CENPP: variants seen among roughly 807,000 people sequenced by gnomAD.
The protein encoded by CENPP is centromere protein P.
CENPP carries 24 observed loss-of-function variants against 35.6 expected under a neutral mutation model. The ratio of observed to expected loss-of-function variants is 0.67; its 90% confidence interval spans 0.49 to 0.95. CENPP has a LOEUF of 0.95. CENPP is among the 40% of genes least tolerant of loss of function. The probability of loss-of-function intolerance (pLI) is 0.00; values close to 1 mark genes in which losing one functional copy is unlikely to be tolerated. For missense variants in CENPP, 332 were observed against 345.3 expected (o/e 0.96, Z 0.31); for synonymous variants, 120 against 125.5 (o/e 0.96, Z 0.29).
chr9:92,502,698 A>T, intron 5 of CENPP: 1 of 1,432,746 alleles, frequency 7.0e-7, no homozygotes, highest in Non-Finnish European at 9.5e-7. Context: ...GTGTTAGTTG[A>T]TACGTTCAAT....
intron 5 of CENPP, chr9:92,415,599 T>A: frequency 4.6e-6 from 2 of 433,332 alleles, no homozygotes; most frequent in Admixed American, 8.9e-5. Flanking sequence ...TATTTATAAA[T>A]TGAATTAGGT....
At chr9:92,607,081 T>C (rs1450107755) in intron 5 of CENPP, among the ~76,000 whole-genome samples, 1 of 152,236 alleles carries the variant, frequency 6.6e-6, no homozygotes, top group Non-Finnish European at 1.5e-5. Flanking sequence ...TAAAAGACCA[T>C]ATGTAATTCC....
chr9:92,343,962 C>CAAA (rs35920973), intron 3 of CENPP, among the ~76,000 whole-genome samples: 2,016 of 60,928 alleles, frequency 0.033, 36 homozygotes, highest in South Asian at 0.052. Context: ...AACCCTGTCT[C>CAAA]AAAAAAAAAA....
chr9:92,512,230 AG>A, intron 5 of CENPP: 2 of 639,822 alleles, frequency 3.1e-6, no homozygotes, highest in Non-Finnish European at 5.3e-6. Context: ...CTTTGTCTGG[AG>A]GAGAAAGCAA....
intron 5 of CENPP, chr9:92,515,074 C>G: frequency 6.2e-7 from 1 of 1,614,048 alleles, no homozygotes. Flanking sequence ...TCTTACTATT[C>G]GGTCCATTCC....
At chr9:92,540,770 CA>C (rs34768785) in intron 5 of CENPP, among the ~76,000 whole-genome samples, 55,522 of 141,820 alleles carry the variant, frequency 0.39, 12,583 homozygotes, top group African/African-American at 0.66. Flanking sequence ...GACTCTGTCT[CA>C]AAAAAAAAAA....
At chr9:92,600,383 G>A (rs1874128) in intron 5 of CENPP, 477,333 of 1,592,766 alleles carry the variant, frequency 0.3, 77,900 homozygotes, top group East Asian at 0.63. Context: ...TATATTTCCA[G>A]TAGAGTGGGT....
chr9:92,351,076 A>G (rs1841427775), intron 4 of CENPP, among the ~76,000 whole-genome samples: 1 of 152,184 alleles, frequency 6.6e-6, no homozygotes, highest in Non-Finnish European at 1.5e-5. Context: ...ACTGTGGCAA[A>G]ATACTTACAA....
rs1320154534 is a variant in CENPP, at chr9:92,620,221, G to A, written c.*7072G>A. ...GGCAGGGACTCAAACCCGGTACGCTGGCTCTGACATTTACACTCTTCAACA... is the reference window on the plus strand; with the variant it reads ...GGCAGGGACTCAAACCCGGTACGCTAGCTCTGACATTTACACTCTTCAACA... On this transcript the variant is annotated 3_prime_UTR_variant, in exon 8 of 8. Coordinates refer to ENST00000375587, the MANE Select transcript of CENPP (RefSeq NM_001012267.3). The A allele has an allele frequency of 1.3e-5, 2 of 156,258 alleles. No homozygotes were observed. The highest frequency in any genetic ancestry group is 2.8e-5 in the Non-Finnish European group (2 of 70,192). The allele number at this position is 156,258 out of a possible 1,614,324, so 9.7% of individuals were successfully genotyped here.
chr9:92,615,736 C>T lies in CENPP; in HGVS notation c.*2587C>T. Reference sequence around the variant, plus strand: ...CCTCAAAAGGGGTTAAAAGCAAAAACATTCACAACCAAAGGTCACCCAACA... The same window carrying T: ...CCTCAAAAGGGGTTAAAAGCAAAAATATTCACAACCAAAGGTCACCCAACA... On this transcript the variant is annotated 3_prime_UTR_variant, in exon 8 of 8. Coordinates refer to ENST00000375587, the MANE Select transcript of CENPP (RefSeq NM_001012267.3). 9.6e-7 allele frequency: 1 copy of T among 1,037,048 alleles called. No individual in the cohort carries two copies. The highest frequency in any genetic ancestry group is 1.4e-6 in the Non-Finnish European group (1 of 691,808). 64.2% of individuals were successfully genotyped at this position (1,037,048 alleles called of 1,614,324 possible). A position where few individuals can be genotyped will look rare whatever the true frequency, so the allele number is the denominator to read the frequency against.
chr9:92,544,384 G>A (rs1398809885), intron 5 of CENPP, among the ~76,000 whole-genome samples: 1 of 152,304 alleles, frequency 6.6e-6, no homozygotes. Flanking sequence ...GCTGAGGCAC[G>A]AGAATCGCTT....
intron 5 of CENPP, among the ~76,000 whole-genome samples, chr9:92,394,094 T>C (rs1396084659): frequency 6.6e-6 from 1 of 152,210 alleles, no homozygotes; most frequent in Non-Finnish European, 1.5e-5. Context: ...TTAGCATCCA[T>C]TGATGATTCT....
At chr9:92,546,149 T>G (rs1849438967) in intron 5 of CENPP, among the ~76,000 whole-genome samples, 1 of 152,144 alleles carries the variant, frequency 6.6e-6, no homozygotes, top group African/African-American at 2.4e-5. Flanking sequence ...CTTGGAGAAC[T>G]TCTGTGTCTA....
At chr9:92,547,110 CGTAAGT>C (rs1271714152) in intron 5 of CENPP, among the ~76,000 whole-genome samples, 2 of 152,036 alleles carry the variant, frequency 1.3e-5, no homozygotes, top group Non-Finnish European at 2.9e-5. Flanking sequence ...GAACTAGCGG[CGTAAGT>C]GTAACAGTCC....
intron 5 of CENPP, among the ~76,000 whole-genome samples, chr9:92,480,141 C>T (rs371634659): frequency 6.6e-6 from 1 of 152,182 alleles, no homozygotes; most frequent in African/African-American, 2.4e-5. Flanking sequence ...CTCAGGAATA[C>T]TCAATATTTC....
intron 5 of CENPP, among the ~76,000 whole-genome samples, chr9:92,530,711 G>C (rs1457246724): frequency 6.6e-6 from 1 of 150,948 alleles, no homozygotes; most frequent in East Asian, 1.9e-4. Flanking sequence ...TTTCTTTTTT[G>C]ACTTTTTAGA....
chr9:92,384,764 T>G (rs1842358044), intron 5 of CENPP: 1 of 152,120 alleles, frequency 6.6e-6, no homozygotes, highest in African/African-American at 2.4e-5. Context: ...ATTGATGAGA[T>G]TCTCATTTCT....
chr9:92,446,345 G>A (rs1291008535), intron 5 of CENPP, among the ~76,000 whole-genome samples: 1 of 152,140 alleles, frequency 6.6e-6, no homozygotes, highest in African/African-American at 2.4e-5. Flanking sequence ...ACTGGTCAGA[G>A]GTGATTGGGA....
chr9:92,504,274 T>C (rs1459475513), intron 5 of CENPP, among the ~76,000 whole-genome samples: 1 of 152,204 alleles, frequency 6.6e-6, no homozygotes. Flanking sequence ...CTGATAAATG[T>C]CAGTGTTACA....
Sources: gnomAD v4.1 joint callset for allele counts (sites outside exome capture counted in the v4.1 genomes callset) on GRCh38, gnomAD v4.1.1 for gene constraint, MANE v1.5 for transcripts, NCBI Gene and HGNC (gene_info 2026-07-23, HGNC 2026-07-21) for gene names.